Variants in ST8SIA6 observed in about 807,000 individuals in gnomAD.
The protein encoded by ST8SIA6 is alpha-2,8-sialyltransferase 8F.
In ST8SIA6, 39 loss-of-function variants were observed where a neutral mutation model predicts 33.6. The observed-to-expected ratio is 1.16, with a 90% CI of 0.90 to 1.52. ST8SIA6 has a LOEUF of 1.52. Among genes scored for constraint, ST8SIA6 ranks in the 40% most tolerant of loss-of-function variants. The pLI, the probability that ST8SIA6 is intolerant of heterozygous loss-of-function variation, is 0.00. For synonymous variants in ST8SIA6, 172 were observed against 167.2 expected, an observed-to-expected ratio of 1.03 and a Z score of -0.22; for missense variants, 441 against 443.8, an observed-to-expected ratio of 0.99 and a Z score of 0.06.
At position 17,319,188 on chromosome 10, in the gene ST8SIA6, AGCT is replaced by A. The variant is rs1847864156; in HGVS notation, c.*1687_*1689del. ...ATGGATATCGATAATACACCACATC[AGCT>A]ATGTAAATCATAAAACATGCGTCAC... On this transcript the variant is annotated 3_prime_UTR_variant, in exon 8 of 8. Transcript: ENST00000377602. Among the ~76,000 whole-genome samples the A allele has an allele frequency of 6.6e-6, 1 of 152,252 alleles. No homozygotes were observed.
At chr10:17,419,078 A>G (rs1418706182) in intron 2 of ST8SIA6, among the ~76,000 whole-genome samples, 1 of 151,120 alleles carries the variant, frequency 6.6e-6, no homozygotes, top group Admixed American at 6.6e-5. Flanking sequence ...TTCCCTTTAC[A>G]TAGCAAAATA....
At chr10:17,366,968 T>G (rs145402439) in intron 3 of ST8SIA6, among the ~76,000 whole-genome samples, 6 of 152,304 alleles carry the variant, frequency 3.9e-5, no homozygotes, top group African/African-American at 1.4e-4. Flanking sequence ...AGATGGTAGA[T>G]CTGAATGATC....
intron 3 of ST8SIA6, among the ~76,000 whole-genome samples, chr10:17,362,467 G>T (rs1347159612): frequency 6.6e-6 from 1 of 152,150 alleles, no homozygotes; most frequent in Non-Finnish European, 1.5e-5. Context: ...TGAACCTACA[G>T]TATATTTAAA....
Position 17,333,672 on chromosome 10 carries a change from GATATAT to G in ST8SIA6, c.378-2126_378-2121del, listed in dbSNP as rs1165578414. ...TTCCCTACTTAATAAATGGTGCTGG[GATATAT>G]ATATATATATATATATATATATATA... On this transcript the variant is annotated intron_variant, in intron 4 of 7. Transcript: ENST00000377602. Among the ~76,000 whole-genome samples, 199 of 35,188 alleles carry G rather than the reference GATATAT, an allele frequency of 5.7e-3. 13 individuals carry two copies. Among genetic ancestry groups the G allele is most frequent in the African/African-American group, 0.015 (93 of 6,406 alleles). The allele number at this position is 35,188 out of a possible 152,430, so 23.1% of individuals were successfully genotyped here.
chr10:17,369,155 C>T (rs750438002), intron 3 of ST8SIA6, among the ~76,000 whole-genome samples: 1 of 152,166 alleles, frequency 6.6e-6, no homozygotes, highest in African/African-American at 2.4e-5. Context: ...TTGTTATATT[C>T]ACAGATACGT....
intron 3 of ST8SIA6, among the ~76,000 whole-genome samples, chr10:17,364,390 T>G (rs1849493901): frequency 6.6e-6 from 1 of 152,176 alleles, no homozygotes; most frequent in Non-Finnish European, 1.5e-5. Context: ...GTGAATACCT[T>G]ATAGCAGACC....
intron 2 of ST8SIA6, among the ~76,000 whole-genome samples, chr10:17,440,775 C>T (rs773390091): frequency 1.3e-5 from 2 of 152,082 alleles, no homozygotes; most frequent in South Asian, 2.1e-4. Context: ...CTCCATGTCA[C>T]GGTGGCATTG....
At chr10:17,449,568 C>T (rs780539204) in intron 2 of ST8SIA6, among the ~76,000 whole-genome samples, 6 of 152,202 alleles carry the variant, frequency 3.9e-5, no homozygotes, top group Non-Finnish European at 7.3e-5. Context: ...ATAGAATTTT[C>T]TGCAGCCTCA....
chr10:17,366,230 T>C (rs1330591376), intron 3 of ST8SIA6, among the ~76,000 whole-genome samples: 2 of 152,174 alleles, frequency 1.3e-5, no homozygotes, highest in Admixed American at 6.5e-5. Context: ...AACTTCTAAT[T>C]AGAGTGTCAT....
In ST8SIA6 at chr10:17,319,700, T is replaced by G. The variant is rs1428155814; in HGVS notation, c.*1178A>C. Among the ~76,000 whole-genome samples, 1 of 152,168 alleles carries G rather than the reference T, an allele frequency of 6.6e-6. No homozygotes were observed. Among genetic ancestry groups the G allele is most frequent in the Non-Finnish European group, 1.5e-5 (1 of 68,016 alleles). ...GGGAAAAAAAAGTAAGCTCTAAATG[T>G]CCTAACTATATGTAAGTTTTATTAA... is the stretch of plus-strand genomic sequence containing the variant. On this transcript the variant is annotated 3_prime_UTR_variant, in exon 8 of 8. Coordinates refer to ENST00000377602, the MANE Select transcript of ST8SIA6 (RefSeq NM_001004470.3).
intron 2 of ST8SIA6, among the ~76,000 whole-genome samples, chr10:17,425,701 AAGG>A (rs745634708): frequency 5.1e-5 from 7 of 138,264 alleles, no homozygotes; most frequent in African/African-American, 1.0e-4. Context: ...GAAAGGTAGG[AAGG>A]AGGAAGGAAG....
At chr10:17,354,353 A>G (rs1849127502) in intron 4 of ST8SIA6, among the ~76,000 whole-genome samples, 1 of 152,140 alleles carries the variant, frequency 6.6e-6, no homozygotes, top group South Asian at 2.1e-4. Context: ...AATTTCTTAG[A>G]CTGAAATCCA....
chr10:17,406,867 T>C (rs1055353717), intron 2 of ST8SIA6, among the ~76,000 whole-genome samples: 2 of 148,988 alleles, frequency 1.3e-5, no homozygotes, highest in Non-Finnish European at 3.0e-5. Context: ...CAATCTCAGC[T>C]CACCAAAACC....
chr10:17,441,425 G>T (rs2131736835), intron 2 of ST8SIA6, among the ~76,000 whole-genome samples: 1 of 152,152 alleles, frequency 6.6e-6, no homozygotes, highest in Non-Finnish European at 1.5e-5. Context: ...CGATTCTCCT[G>T]TCTCAGCCTC....
chr10:17,437,134 C>A (rs576492159), intron 2 of ST8SIA6, among the ~76,000 whole-genome samples: 3 of 151,508 alleles, frequency 2.0e-5, no homozygotes, highest in African/African-American at 7.2e-5. Flanking sequence ...CTTACAGATT[C>A]ATTTCTCTCT....
At chr10:17,414,738 A>G (rs1369368700) in intron 2 of ST8SIA6, among the ~76,000 whole-genome samples, 1 of 152,270 alleles carries the variant, frequency 6.6e-6, no homozygotes, top group African/African-American at 2.4e-5. Context: ...CACCAGCCCT[A>G]TCAAATTAAG....
At chr10:17,371,897 A>G (rs1467219581) in intron 3 of ST8SIA6, among the ~76,000 whole-genome samples, 2 of 152,056 alleles carry the variant, frequency 1.3e-5, no homozygotes, top group African/African-American at 4.8e-5. Flanking sequence ...CTGCTAAGAA[A>G]TAGAAATAAT....
At chr10:17,452,435 T>C (rs1247648140) in intron 2 of ST8SIA6, among the ~76,000 whole-genome samples, 3 of 152,214 alleles carry the variant, frequency 2.0e-5, no homozygotes, top group Admixed American at 6.5e-5. Flanking sequence ...AGAGACCGTA[T>C]AGCAGATTGC....
At chr10:17,406,808 T>C (rs1851280988) in intron 2 of ST8SIA6, among the ~76,000 whole-genome samples, 1 of 151,478 alleles carries the variant, frequency 6.6e-6, no homozygotes, top group South Asian at 2.1e-4. Context: ...TTTTTTTTTT[T>C]TTTGAGATGG....
Sources: allele counts gnomAD v4.1 joint callset (sites outside exome capture counted in the v4.1 genomes callset), GRCh38; gene constraint gnomAD v4.1.1; transcripts MANE v1.5; gene names NCBI Gene and HGNC (gene_info 2026-07-23, HGNC 2026-07-21).